Variants in TNKS observed in about 807,000 individuals in gnomAD.
TNKS encodes the protein tankyrase, also known as poly [ADP-ribose] polymerase tankyrase-1.
In TNKS, 72 loss-of-function variants were observed where a neutral mutation model predicts 135.8. The observed-to-expected ratio is 0.53, with a 90% CI of 0.44 to 0.64. TNKS has a LOEUF of 0.64. Ranked by LOEUF, TNKS falls within the 30% of genes least tolerant of loss-of-function variation. The pLI is 0.00. For synonymous variants in TNKS, 849 were observed against 649.3 expected, an observed-to-expected ratio of 1.31 and a Z score of -4.68; for missense variants, 1,769 against 1,674.0, an observed-to-expected ratio of 1.06 and a Z score of -0.99.
intron 5 of TNKS, among the ~76,000 whole-genome samples, chr8:9,697,447 A>T (rs992590983): frequency 6.6e-6 from 1 of 152,178 alleles, no homozygotes; most frequent in Non-Finnish European, 1.5e-5. Flanking sequence ...AAAAACTGAC[A>T]AGTGGGACCT....
At chr8:9,668,317 C>G (rs1399408661) in intron 3 of TNKS, among the ~76,000 whole-genome samples, 2 of 152,120 alleles carry the variant, frequency 1.3e-5, no homozygotes, top group Admixed American at 1.3e-4. Flanking sequence ...CTTTAAGGAG[C>G]TAATAAAAGC....
intron 2 of TNKS, among the ~76,000 whole-genome samples, chr8:9,586,900 A>G (rs1299159461): frequency 6.6e-6 from 1 of 152,076 alleles, no homozygotes. Context: ...GCTGCGAAGA[A>G]CAATGAAACA....
chr8:9,592,843 G>C (rs930481389), intron 2 of TNKS, among the ~76,000 whole-genome samples: 2 of 152,166 alleles, frequency 1.3e-5, no homozygotes, highest in Admixed American at 1.3e-4. Context: ...TTATTTTAAA[G>C]CAATGTGAAC....
intron 5 of TNKS, among the ~76,000 whole-genome samples, chr8:9,702,906 C>T (rs979004897): frequency 6.6e-6 from 1 of 152,094 alleles, no homozygotes; most frequent in Non-Finnish European, 1.5e-5. Context: ...ATCCCAAATA[C>T]TCGGGAGGCT....
intron 25 of TNKS, 21 bp downstream of exon 25, chr8:9,766,446 G>C: frequency 7.1e-7 from 1 of 1,416,518 alleles, no homozygotes; most frequent in Admixed American, 2.2e-5. Flanking sequence ...TGCCATTAGT[G>C]TAACGTTTCC....
chr8:9,572,086 C>G (rs977607462), intron 1 of TNKS, among the ~76,000 whole-genome samples: 13 of 152,168 alleles, frequency 8.5e-5, no homozygotes, highest in African/African-American at 3.1e-4. Flanking sequence ...TGAGTTAATT[C>G]ATGATATATA....
chr8:9,646,475 T>C (rs1362859315), intron 3 of TNKS, among the ~76,000 whole-genome samples: 1 of 152,184 alleles, frequency 6.6e-6, no homozygotes, highest in Non-Finnish European at 1.5e-5. Context: ...TTTCTAAATA[T>C]TTGAGATTTT....
chr8:9,562,561 G>A (rs1023901867), intron 1 of TNKS, among the ~76,000 whole-genome samples: 2 of 152,220 alleles, frequency 1.3e-5, no homozygotes, highest in Middle Eastern at 3.4e-3. Context: ...TATATTTAAA[G>A]TGTGTCTATT....
intron 20 of TNKS, among the ~76,000 whole-genome samples, chr8:9,754,132 AT>A (rs1226547804): frequency 6.6e-6 from 1 of 152,120 alleles, no homozygotes; most frequent in Non-Finnish European, 1.5e-5. Flanking sequence ...CCTTAACATA[AT>A]TTCGTCTGCA....
intron 21 of TNKS, among the ~76,000 whole-genome samples, chr8:9,762,717 A>T (rs1196247883): frequency 6.6e-6 from 1 of 152,086 alleles, no homozygotes; most frequent in Non-Finnish European, 1.5e-5. Flanking sequence ...CCTGGCTAAC[A>T]TGATGAAACC....
At chr8:9,654,289 G>T (rs1801261393) in intron 3 of TNKS, among the ~76,000 whole-genome samples, 1 of 152,098 alleles carries the variant, frequency 6.6e-6, no homozygotes, top group African/African-American at 2.4e-5. Flanking sequence ...CATGCCTACT[G>T]TGCTTTTCTA....
In TNKS at chr8:9,723,281, T is replaced by G. The variant is rs11992846; in HGVS notation, c.1921+2736T>G. 1.0e-3 allele frequency among the ~76,000 whole-genome samples: 154 copies of G among 152,238 alleles called. 2 individuals are homozygous for G. Among genetic ancestry groups the G allele is most frequent in the African/African-American group, 3.5e-3 (146 of 41,568 alleles). On this transcript the variant is annotated intron_variant, in intron 12 of 26. Transcript: ENST00000310430. ...ACCATGCATTAGCTGAACTTTTTAG[T>G]TATTTATTAACCCAATATCAGGTTA...
chr8:9,707,055 G>C (rs1804082386), intron 8 of TNKS, 58 bp downstream of exon 8: 2 of 1,395,490 alleles, frequency 1.4e-6, no homozygotes, highest in South Asian at 1.5e-5. Flanking sequence ...AATTTCTGTT[G>C]AGTTTTATCT....
At chr8:9,758,320 T>C (rs1806952497) in intron 20 of TNKS, among the ~76,000 whole-genome samples, 1 of 152,128 alleles carries the variant, frequency 6.6e-6, no homozygotes, top group Non-Finnish European at 1.5e-5. Context: ...CCCATTCCCT[T>C]TTTGTTTTTT....
chr8:9,746,764 C>T (rs1342700667), intron 17 of TNKS, among the ~76,000 whole-genome samples: 4 of 151,986 alleles, frequency 2.6e-5, no homozygotes. Context: ...GATGCCCCCT[C>T]GACTGTGCTC....
intron 14 of TNKS, among the ~76,000 whole-genome samples, chr8:9,732,329 T>C (rs1805487155): frequency 6.6e-6 from 1 of 152,234 alleles, no homozygotes. Flanking sequence ...TTAACTGATA[T>C]TAATTCCCGT....
At chr8:9,630,491 A>G (rs890900519) in intron 3 of TNKS, among the ~76,000 whole-genome samples, 22 of 152,230 alleles carry the variant, frequency 1.4e-4, no homozygotes, top group Admixed American at 1.4e-3. Flanking sequence ...AGAATCTGCA[A>G]GTTCTACTTT....
At chr8:9,664,800 T>C (rs1801911039) in intron 3 of TNKS, among the ~76,000 whole-genome samples, 1 of 152,224 alleles carries the variant, frequency 6.6e-6, no homozygotes, top group African/African-American at 2.4e-5. Context: ...AGTCACACGT[T>C]CATGACTCTA....
intron 9 of TNKS, among the ~76,000 whole-genome samples, chr8:9,708,773 A>G (rs1349770280): frequency 6.6e-6 from 1 of 152,102 alleles, no homozygotes. Context: ...GCTTTCATAA[A>G]CTACAAGATA....
Sources: gnomAD v4.1 joint callset for allele counts (sites outside exome capture counted in the v4.1 genomes callset) on GRCh38, gnomAD v4.1.1 for gene constraint, MANE v1.5 for transcripts, NCBI Gene and HGNC (gene_info 2026-07-23, HGNC 2026-07-21) for gene names.